The following RHBDD1 variants were observed in gnomAD, a reference collection of about 807,000 sequenced individuals.
RHBDD1 encodes rhomboid domain containing 1, also known as rhomboid-related protein 4.
In RHBDD1, 38 loss-of-function variants were observed where a neutral mutation model predicts 36.3. That is an observed-to-expected ratio of 1.05 (90% confidence interval 0.81 to 1.37). RHBDD1 has a LOEUF of 1.37. Among genes scored for constraint, RHBDD1 ranks in the 40% most tolerant of loss-of-function variants. RHBDD1 has a pLI of 0.00. For synonymous variants in RHBDD1, 151 were observed against 136.5 expected (o/e 1.11, Z -0.74); for missense variants, 393 against 377.6 (o/e 1.04, Z -0.34).
At chr2:226,974,370 T>A (rs1016263974) in intron 8 of RHBDD1, among the ~76,000 whole-genome samples, 7 of 152,058 alleles carry the variant, frequency 4.6e-5, no homozygotes, top group Admixed American at 4.6e-4. Flanking sequence ...CCTGAGTAGC[T>A]GGAATTACAG....
intron 5 of RHBDD1, among the ~76,000 whole-genome samples, chr2:226,878,739 C>T (rs1945448463): frequency 6.6e-6 from 1 of 152,230 alleles, no homozygotes; most frequent in South Asian, 2.1e-4. Flanking sequence ...TCCTGACCCA[C>T]AGAATCTGTG....
At chr2:226,957,632 A>G (rs1951868962) in intron 8 of RHBDD1, among the ~76,000 whole-genome samples, 1 of 152,112 alleles carries the variant, frequency 6.6e-6, no homozygotes, top group African/African-American at 2.4e-5. Flanking sequence ...AGGAGAAAAT[A>G]TTTGCAAACC....
intron 5 of RHBDD1, among the ~76,000 whole-genome samples, chr2:226,904,432 A>C (rs1947873410): frequency 4.3e-5 from 6 of 138,860 alleles, no homozygotes; most frequent in Non-Finnish European, 6.2e-5. Flanking sequence ...GAGGGGGGTC[A>C]GGGAACTCCT....
At position 226,864,905 on chromosome 2, in the gene RHBDD1, C is replaced by T; in HGVS notation, c.212C>T (p.Ser71Phe). 6.2e-7 allele frequency: 1 copy of T among 1,614,238 alleles called. No individual in the cohort carries two copies. The highest frequency in any genetic ancestry group is 8.5e-7 in the Non-Finnish European group (1 of 1,180,038). Residue 71 changes from serine to phenylalanine, a missense_variant, in exon 4 of 9, where the codon TCT becomes TTT. Transcript: ENST00000392062. ...QQKDWQRLLL[S>F]PLHHADDWHL... ...AAAGACTGGCAGCGTTTACTGCTCT[C>T]TCCCCTTCACCATGCTGATGATTGG...
chr2:226,978,773 C>T (rs4675134), intron 8 of RHBDD1, among the ~76,000 whole-genome samples: 74,906 of 151,952 alleles, frequency 0.49, 19,315 homozygotes, highest in African/African-American at 0.66. Flanking sequence ...AGGACCCTCA[C>T]TGGGGGTGAT....
intron 8 of RHBDD1, among the ~76,000 whole-genome samples, chr2:226,973,299 G>A (rs1205096952): frequency 6.6e-6 from 1 of 152,218 alleles, no homozygotes; most frequent in Non-Finnish European, 1.5e-5. Flanking sequence ...ATCAAGTTAA[G>A]GAAATCATTA....
At chr2:226,815,644 G>C in the RHBDD1 span, among the ~76,000 whole-genome samples, 634 of 152,184 alleles carry the variant, frequency 4.2e-3, 2 homozygotes, top group African/African-American at 0.015. Flanking sequence ...GTAAAGATTA[G>C]AACTTGCCAT....
At chr2:226,888,327 G>A (rs1946401503) in intron 5 of RHBDD1, among the ~76,000 whole-genome samples, 1 of 151,876 alleles carries the variant, frequency 6.6e-6, no homozygotes, top group African/African-American at 2.4e-5. Context: ...ATGTGATAGT[G>A]TTACAGAAAT....
intron 8 of RHBDD1, among the ~76,000 whole-genome samples, chr2:226,956,878 A>C (rs962849958): frequency 6.6e-6 from 1 of 152,166 alleles, no homozygotes; most frequent in Admixed American, 6.5e-5. Context: ...GTGATGTTTC[A>C]AGGCCAAATC....
chr2:226,990,096 AAG>A (rs1297917351), intron 8 of RHBDD1, among the ~76,000 whole-genome samples: 1 of 152,218 alleles, frequency 6.6e-6, no homozygotes, highest in Non-Finnish European at 1.5e-5. Flanking sequence ...ACTATTTATA[AAG>A]AGAGAATATT....
intron 8 of RHBDD1, among the ~76,000 whole-genome samples, chr2:226,919,138 C>G (rs1348008383): frequency 6.6e-6 from 1 of 151,964 alleles, no homozygotes; most frequent in Non-Finnish European, 1.5e-5. Context: ...CTATTCAGAT[C>G]TTTTGCACAG....
At chr2:226,901,239 T>C (rs1947559433) in intron 5 of RHBDD1, among the ~76,000 whole-genome samples, 1 of 152,196 alleles carries the variant, frequency 6.6e-6, no homozygotes, top group Non-Finnish European at 1.5e-5. Context: ...TTCCATTGTG[T>C]GTGTATGCGT....
At chr2:226,815,628 G>A in the RHBDD1 span, among the ~76,000 whole-genome samples, 1 of 152,088 alleles carries the variant, frequency 6.6e-6, no homozygotes, top group Non-Finnish European at 1.5e-5. Context: ...ATAAGAGGAG[G>A]CAAAAGTAAA....
At position 226,920,389 on chromosome 2, in the gene RHBDD1, G is replaced by A. The variant is rs577264246; in HGVS notation, c.856+6038G>A. Among the ~76,000 whole-genome samples, 204 of 152,048 alleles carry A rather than the reference G, an allele frequency of 1.3e-3. 1 individual carries two copies. Among genetic ancestry groups the A allele is most frequent in the Admixed American group, 3.0e-3 (46 of 15,268 alleles). ...TGTATGCCCTTTATTTATTTGTCTT[G>A]GCTGATTGCTCTAGCTAGGACTTTC... On this transcript the variant is annotated intron_variant, in intron 8 of 8. Transcript: ENST00000392062.
chr2:226,820,670 GA>G, the RHBDD1 span, among the ~76,000 whole-genome samples: 406 of 114,960 alleles, frequency 3.5e-3, 6 homozygotes, highest in African/African-American at 0.012. Context: ...AAAAAAAAAA[GA>G]AAAAAAAAAT....
At chr2:226,949,570 C>T (rs1294561293) in intron 8 of RHBDD1, among the ~76,000 whole-genome samples, 2 of 152,012 alleles carry the variant, frequency 1.3e-5, no homozygotes, top group Non-Finnish European at 2.9e-5. Flanking sequence ...ATTGTTTTGC[C>T]TTTCATATTG....
At chr2:226,948,944 C>G (rs1206962639) in intron 8 of RHBDD1, among the ~76,000 whole-genome samples, 1 of 152,188 alleles carries the variant, frequency 6.6e-6, no homozygotes, top group Non-Finnish European at 1.5e-5. Context: ...AGCCAAGTCT[C>G]AGGATACAAA....
the RHBDD1 span, among the ~76,000 whole-genome samples, chr2:226,828,722 T>A: frequency 6.6e-6 from 1 of 152,206 alleles, no homozygotes; most frequent in Non-Finnish European, 1.5e-5. Context: ...GAAGAATATA[T>A]TCAAATCTTT....
chr2:226,884,042 G>A (rs1946008817), intron 5 of RHBDD1, among the ~76,000 whole-genome samples: 2 of 151,896 alleles, frequency 1.3e-5, no homozygotes, highest in Non-Finnish European at 2.9e-5. Flanking sequence ...AGACACTATT[G>A]GAGATAAACA....
Sources: allele counts gnomAD v4.1 joint callset (sites outside exome capture counted in the v4.1 genomes callset), GRCh38; gene constraint gnomAD v4.1.1; transcripts MANE v1.5; gene names NCBI Gene and HGNC (gene_info 2026-07-23, HGNC 2026-07-21).